Variants in PKD1 observed in about 807,000 individuals in gnomAD.
The protein encoded by PKD1 is polycystin 1, transient receptor potential channel interacting.
PKD1 carries 81 observed loss-of-function variants against 361.7 expected under a neutral mutation model. The observed-to-expected ratio is 0.22, with a 90% CI of 0.19 to 0.27. The LOEUF (loss-of-function observed/expected upper bound fraction) is 0.27. Ranked by LOEUF, PKD1 falls within the 10% of genes least tolerant of loss-of-function variation. The pLI, the probability that PKD1 is intolerant of heterozygous loss-of-function variation, is 1.00. For synonymous variants in PKD1, 3,615 were observed against 2,818.3 expected (o/e 1.28, Z -8.95); for missense variants, 6,399 against 6,118.3 (o/e 1.05, Z -1.53).
rs1223740249 is a variant in PKD1 at position 2,135,720 on chromosome 16, T to C, written c.-31A>G. 50 of 943,908 alleles carry C rather than the reference T, an allele frequency of 5.3e-5. No homozygotes were observed. Among genetic ancestry groups the C allele is most frequent in the Non-Finnish European group, 6.0e-5 (48 of 795,898 alleles). 58.5% of individuals were successfully genotyped at this position (943,908 alleles called of 1,614,324 possible). A position where few individuals can be genotyped will look rare whatever the true frequency, so the allele number is the denominator to read the frequency against. ...GGGCAGCGCGCGCATGGCCCCGCCG[T>C]CCCCAGGCCCGCCCGCGCGCGGAGG... On this transcript the variant is annotated 5_prime_UTR_variant, in exon 1 of 46. Transcript: ENST00000262304.
intron 34 of PKD1, among the ~76,000 whole-genome samples, chr16:2,095,854 G>GC (rs2091824371): frequency 6.6e-6 from 1 of 152,204 alleles, no homozygotes; most frequent in South Asian, 2.1e-4. Flanking sequence ...AGAGCTTTGG[G>GC]CCGGAGATAC....
At position 2,094,161 on chromosome 16, in the gene PKD1, C is replaced by A; in HGVS notation, c.10549G>T (p.Gly3517Trp). 6.2e-7 allele frequency: 1 copy of A among 1,604,320 alleles called. No homozygotes were observed. The highest frequency in any genetic ancestry group is 2.2e-5 in the East Asian group (1 of 44,632). Residue 3517 changes from glycine to tryptophan, a missense_variant, in exon 35 of 46, where the codon GGG becomes TGG. Transcript: ENST00000262304. ...CCTGGGCTGGGTGGCCCCAGCTCCC[C>A]CAGCCTCTGCAGCGCCAGCGTCTCT... ...KTETLALQRL[G>W]ELGPPSPGLN...
chr16:2,096,448 G>A (rs777317952), intron 34 of PKD1, among the ~76,000 whole-genome samples: 2 of 152,256 alleles, frequency 1.3e-5, no homozygotes, highest in Non-Finnish European at 2.9e-5. Flanking sequence ...GACTATGTGC[G>A]TGACTACATA....
Position 2,103,630 on chromosome 16 carries a change from G to A in PKD1, c.8427C>T (p.Pro2809=), listed in dbSNP as rs746703342. 61 of 1,610,314 alleles carry A rather than the reference G, an allele frequency of 3.8e-5. No homozygotes were observed. Among genetic ancestry groups the A allele is most frequent in the Non-Finnish European group, 4.7e-5 (55 of 1,179,714 alleles). The change falls in exon 23 of 46, where the codon CCC becomes CCT. Residue 2809 remains proline, a synonymous_variant. Coordinates refer to ENST00000262304, the MANE Select transcript of PKD1 (RefSeq NM_001009944.3). ...APGPGCHFSI[P]EAFSGALANL... ...TGGCCAGGGCCCCGCTGAAAGCCTCGGGGATGGAGAAGTGGCAGCCAGGCC... is the reference window on the plus strand; with the variant it reads ...TGGCCAGGGCCCCGCTGAAAGCCTCAGGGATGGAGAAGTGGCAGCCAGGCC...
At chr16:2,107,451 G>A (rs1253665338) in intron 16 of PKD1, 2 of 361,652 alleles carry the variant, frequency 5.5e-6, no homozygotes, top group Non-Finnish European at 1.1e-5. Context: ...GCCCACTCTG[G>A]GGCACCAGCA....
In PKD1 at chr16:2,109,041, G is replaced by T; in HGVS notation, c.6126C>A (p.Ala2042=). Residue 2042 remains alanine (A), a synonymous_variant, in exon 15 of 46, where the codon GCC becomes GCA. Transcript: ENST00000262304. ...GGTTCTCACTGCCCAGGGCGTTGAA[G>T]GCGCGCACCTGGATCTCCAACAGCC... ...AAGLLEIQVR[A]FNALGSENRT... is the part of the protein sequence containing the mutation. The T allele has an allele frequency of 1.2e-6, 2 of 1,608,262 alleles. No individual in the cohort carries two copies. Among genetic ancestry groups the T allele is most frequent in the Non-Finnish European group, 8.5e-7 (1 of 1,177,064 alleles).
intron 26 of PKD1, chr16:2,101,828 C>T (rs1468469371): frequency 2.4e-5 from 15 of 613,458 alleles, no homozygotes; most frequent in East Asian, 8.3e-5. Context: ...CTGTGCAGAA[C>T]GTGGGCTGCC....
intron 26 of PKD1, among the ~76,000 whole-genome samples, chr16:2,101,131 G>A (rs1032798841): frequency 5.3e-5 from 8 of 151,926 alleles, no homozygotes; most frequent in South Asian, 2.1e-4. Context: ...GACTACAGGC[G>A]CCTGCCACTA....
Position 2,121,026 on chromosome 16 carries a change from AAAAAG to A in PKD1, c.216-1653_216-1649del, listed in dbSNP as rs951497581. Among the ~76,000 whole-genome samples, 16 of 152,080 alleles carry A rather than the reference AAAAAG, an allele frequency of 1.1e-4. No homozygotes were observed. The South Asian group carries it at 1.2e-3, about 12-fold the overall frequency. ...GCGAGACTCCATCTCAAAAGAAAAA[AAAAAG>A]AAAAGAAAAGAAAGAAAGGGAGGAG... is the stretch of plus-strand genomic sequence containing the variant. On this transcript the variant is annotated intron_variant, in intron 1 of 45. Coordinates refer to ENST00000262304, the MANE Select transcript of PKD1 (RefSeq NM_001009944.3).
Position 2,093,887 on chromosome 16 carries a change from G to A in PKD1, c.10745C>T (p.Pro3582Leu), listed in dbSNP as rs952576472. The A allele has an allele frequency of 1.7e-5, 27 of 1,576,994 alleles. No individual in the cohort carries two copies. Among genetic ancestry groups the A allele is most frequent in the East Asian group, 4.6e-5 (2 of 43,228 alleles). Reference sequence around the variant, plus strand: ...CAGGAGCCACGCAACACTCACGCCCGGGGGGAAGCTCGCACCCACCCACCC... The same window carrying A: ...CAGGAGCCACGCAACACTCACGCCCAGGGGGAAGCTCGCACCCACCCACCC... ...VSGWVGASFPPGVSVAWLLSS... is the reference protein window; with the variant it reads ...VSGWVGASFPLGVSVAWLLSS... Residue 3582 changes from proline to leucine, a missense_variant, in exon 36 of 46, where the codon CCG becomes CTG. By Grantham distance (98) the Pro-to-Leu change is moderately conservative. Transcript: ENST00000262304.
rs1373493384 is a variant in PKD1 at position 2,100,139 on chromosome 16, G to A, written c.9712+27C>T. ...GGACCACCCTGCCCAACCTCCCACG[G>A]AGTGGGAACATGGAACGAGGCCTTA... On this transcript the variant is annotated intron_variant, in intron 28 of 45. Coordinates refer to ENST00000262304, the MANE Select transcript of PKD1 (RefSeq NM_001009944.3). This position sits in a 1 kb window ranked among gnomAD's most constrained non-coding sequence, Gnocchi z 4.4. The A allele has an allele frequency of 6.3e-7, 1 of 1,596,808 alleles. No individual in the cohort carries two copies. The highest frequency in any genetic ancestry group is 8.6e-7 in the Non-Finnish European group (1 of 1,167,658).
At chr16:2,120,097 G>C in intron 1 of PKD1, 1 of 568,150 alleles carries the variant, frequency 1.8e-6, no homozygotes, top group South Asian at 2.2e-5. Flanking sequence ...GGGGTCCCAA[G>C]TACTCGGGAG....
chr16:2,127,882 G>C (rs924300972), intron 1 of PKD1, among the ~76,000 whole-genome samples: 6 of 142,914 alleles, frequency 4.2e-5, no homozygotes, highest in Non-Finnish European at 7.6e-5. Context: ...CTAGAGAGAA[G>C]GGACACAGCA....
rs2092349898 is a variant in PKD1 at position 2,106,711 on chromosome 16, C to A, written c.7210-34G>T. 6.4e-7 allele frequency: 1 copy of A among 1,568,910 alleles called. No individual in the cohort carries two copies. The highest frequency in any genetic ancestry group is 1.4e-5 in the African/African-American group (1 of 73,902). ...AGAAGGGGTGGTGAGGGGGCGCAAC[C>A]CTCTGCCCTGTCAGCCCCACTTCTG... On this transcript the variant is annotated intron_variant, in intron 17 of 45. Coordinates refer to ENST00000262304, the MANE Select transcript of PKD1 (RefSeq NM_001009944.3). This position sits in a 1 kb window ranked among gnomAD's most constrained non-coding sequence, Gnocchi z 6.5.
chr16:2,108,503 C>G lies in PKD1; in HGVS notation c.6664G>C (p.Ala2222Pro). Reference protein sequence around the residue: ...SRPRLVLPRLALPVGHYCFVF... With the variant: ...SRPRLVLPRLPLPVGHYCFVF... ...AAGCAGTAGTGCCCCACAGGCAGCG[C>G]CAGCCGCGGCAGCACCAGCCGAGGC... The change falls in exon 15 of 46, where the codon GCG (alanine) becomes CCG (proline). Residue 2222 changes from alanine to proline, a missense_variant. By Grantham distance (27) the Ala-to-Pro change is conservative (BLOSUM62 -1). Coordinates refer to ENST00000262304, the MANE Select transcript of PKD1 (RefSeq NM_001009944.3). 1 of 1,608,928 alleles carries G rather than the reference C, an allele frequency of 6.2e-7. No homozygotes were observed. The highest frequency in any genetic ancestry group is 8.5e-7 in the Non-Finnish European group (1 of 1,179,286).
rs778555549 is a variant in PKD1, at chr16:2,112,384, T to C, written c.3251A>G (p.Gln1084Arg). The C allele has an allele frequency of 6.3e-6, 10 of 1,587,568 alleles. No homozygotes were observed. The Admixed American group carries it at 1.7e-4, about 27-fold the overall frequency. The change falls in exon 14 of 46, where the codon CAG (glutamine) becomes CGG (arginine). Residue 1084 changes from glutamine to arginine, a missense_variant. By Grantham distance (43) the Gln-to-Arg change is conservative (BLOSUM62 1). Transcript: ENST00000262304. ...CATGACATTGTGCTCCACCAGCACC[T>C]GGGCCACCGAGGGGTCTGGAACCGG... ...SFPVPDPSVA[Q>R]VLVEHNVMHT...
rs1206715711 is a variant in PKD1, at chr16:2,129,305, G to A, written c.215+6170C>T. On this transcript the variant is annotated intron_variant, in intron 1 of 45. Transcript: ENST00000262304. ...CTCCCAACTAGCTGGGACTACAGGC[G>A]CCACCACTAATATCTATTTATTGGT... Among the ~76,000 whole-genome samples the A allele has an allele frequency of 2.7e-5, 4 of 150,544 alleles. 1 individual carries two copies. Among genetic ancestry groups the A allele is most frequent in the South Asian group, 4.2e-4 (2 of 4,740 alleles).
chr16:2,125,029 G>T (rs2092776671), intron 1 of PKD1, among the ~76,000 whole-genome samples: 1 of 152,202 alleles, frequency 6.6e-6, no homozygotes. Context: ...AGAGGACAGG[G>T]GACAGGCGGC....
intron 1 of PKD1, among the ~76,000 whole-genome samples, chr16:2,124,737 G>A (rs1234353807): frequency 6.6e-6 from 1 of 152,238 alleles, no homozygotes; most frequent in South Asian, 2.1e-4. Flanking sequence ...GGTCAGCAGC[G>A]GGTGTGCGCC....
Sources: gnomAD v4.1 joint callset for allele counts (sites outside exome capture counted in the v4.1 genomes callset) on GRCh38, gnomAD v4.1.1 for gene constraint, Gnocchi (gnomAD v3.1) non-coding constraint, MANE v1.5 for transcripts, NCBI Gene and HGNC (gene_info 2026-07-23, HGNC 2026-07-21) for gene names.